Variants in SLC41A2 observed in about 807,000 individuals in gnomAD.
The protein encoded by SLC41A2 is solute carrier family 41 member 2.
SLC41A2 carries 32 observed loss-of-function variants against 58.3 expected under a neutral mutation model. The ratio of observed to expected loss-of-function variants is 0.55; its 90% confidence interval spans 0.41 to 0.74. The LOEUF (loss-of-function observed/expected upper bound fraction) is 0.74, where lower values mean the gene tolerates loss of function less well. Among genes scored for constraint, SLC41A2 ranks in the 30% least tolerant of loss-of-function variants. The probability of loss-of-function intolerance (pLI) is 0.00; values close to 1 mark genes in which losing one functional copy is unlikely to be tolerated. For missense variants in SLC41A2, 514 were observed against 680.6 expected (o/e 0.76, Z 2.72); for synonymous variants, 190 against 235.0 (o/e 0.81, Z 1.75).
At chr12:104,866,841 A>T (rs1304770965) in intron 6 of SLC41A2, among the ~76,000 whole-genome samples, 2 of 152,162 alleles carry the variant, frequency 1.3e-5, no homozygotes, top group Non-Finnish European at 2.9e-5. Flanking sequence ...CATAATAACA[A>T]TAACAACAAG....
intron 1 of SLC41A2, among the ~76,000 whole-genome samples, chr12:104,956,937 C>A (rs2048191117): frequency 6.6e-6 from 1 of 152,142 alleles, no homozygotes; most frequent in Non-Finnish European, 1.5e-5. Flanking sequence ...GTGAAGAAAT[C>A]GGAACCCTCA....
intron 8 of SLC41A2, among the ~76,000 whole-genome samples, chr12:104,853,914 T>TTATTATTATTTA (rs2042910944): frequency 6.8e-5 from 2 of 29,246 alleles, no homozygotes; most frequent in Non-Finnish European, 1.8e-4. Flanking sequence ...CTGGCTGATT[T>TTATTATTATTTA]TTTTTTTTTT....
chr12:104,832,827 T>C (rs2042085050), intron 10 of SLC41A2, among the ~76,000 whole-genome samples: 1 of 152,208 alleles, frequency 6.6e-6, no homozygotes, highest in Non-Finnish European at 1.5e-5. Flanking sequence ...TCTTATGTCT[T>C]GGTACTGAAG....
chr12:104,805,734 T>C (rs1439762850), intron 10 of SLC41A2, among the ~76,000 whole-genome samples: 1 of 152,110 alleles, frequency 6.6e-6, no homozygotes, highest in East Asian at 1.9e-4. Flanking sequence ...CTGCTGCAGG[T>C]ATATCAAATA....
chr12:104,952,026 C>G (rs903094374), intron 1 of SLC41A2, among the ~76,000 whole-genome samples: 2 of 152,022 alleles, frequency 1.3e-5, no homozygotes, highest in Non-Finnish European at 2.9e-5. Context: ...TTTATTATCT[C>G]TACTACTGTT....
At chr12:104,889,389 T>C (rs946140803) in intron 4 of SLC41A2, among the ~76,000 whole-genome samples, 1 of 152,186 alleles carries the variant, frequency 6.6e-6, no homozygotes, top group African/African-American at 2.4e-5. Flanking sequence ...GTGACAAGTA[T>C]GGAACGGAGT....
In SLC41A2 at chr12:104,866,523, T is replaced by C; in HGVS notation, c.1084A>G (p.Ile362Val). The C allele has an allele frequency of 1.2e-6, 2 of 1,604,998 alleles. No homozygotes were observed. Among genetic ancestry groups the C allele is most frequent in the Middle Eastern group, 1.7e-4 (1 of 6,026 alleles). ...VGVFFLALTP[I>V]WIIIAAKHPA... ...TGTTTGGCAGCTATTATAATCCAAA[T>C]AGGGGTTAGAGCCAAGAAAAATACA... Residue 362 changes from isoleucine to valine, a missense_variant, in exon 7 of 11, where the codon ATT becomes GTT. Physicochemically the swap from Ile to Val is conservative, Grantham distance 29. Around this residue, in one of 3 missense-constraint regions of SLC41A2, gnomAD observed 336 missense variants for 430.0 expected, o/e 0.78. Coordinates refer to ENST00000258538, the MANE Select transcript of SLC41A2 (RefSeq NM_001352171.3).
At chr12:104,837,285 C>A (rs1415521935) in intron 10 of SLC41A2, among the ~76,000 whole-genome samples, 7 of 152,102 alleles carry the variant, frequency 4.6e-5, no homozygotes, top group African/African-American at 7.2e-5. Flanking sequence ...TTGGGGCACC[C>A]GTACACATGA....
chr12:104,921,078 T>C (rs1293045884), intron 2 of SLC41A2, among the ~76,000 whole-genome samples: 1 of 151,722 alleles, frequency 6.6e-6, no homozygotes, highest in Non-Finnish European at 1.5e-5. Context: ...AAAGAAACCC[T>C]GTCTCTTAAA....
chr12:104,887,277 A>G (rs2044717346), intron 5 of SLC41A2, among the ~76,000 whole-genome samples: 1 of 151,948 alleles, frequency 6.6e-6, no homozygotes, highest in Non-Finnish European at 1.5e-5. Flanking sequence ...ATCTCACAGC[A>G]CTTTTAGAGT....
chr12:104,909,271 T>C (rs1187704814), intron 3 of SLC41A2, among the ~76,000 whole-genome samples: 1 of 152,228 alleles, frequency 6.6e-6, no homozygotes, highest in Non-Finnish European at 1.5e-5. Context: ...TTAGATTTTC[T>C]TTTTTATATT....
At chr12:104,846,739 A>G (rs2042613089) in intron 8 of SLC41A2, among the ~76,000 whole-genome samples, 2 of 152,170 alleles carry the variant, frequency 1.3e-5, no homozygotes, top group South Asian at 2.1e-4. Context: ...TCCACGCTTC[A>G]CACTTAGCAC....
chr12:104,845,058 A>T (rs1358957203), intron 9 of SLC41A2, among the ~76,000 whole-genome samples: 1 of 152,032 alleles, frequency 6.6e-6, no homozygotes, highest in Non-Finnish European at 1.5e-5. Flanking sequence ...CCAAGGTGGG[A>T]GGACTGCTTG....
chr12:104,915,107 G>A (rs889830654), intron 2 of SLC41A2, among the ~76,000 whole-genome samples: 1 of 152,140 alleles, frequency 6.6e-6, no homozygotes, highest in Non-Finnish European at 1.5e-5. Flanking sequence ...CAAACATAAT[G>A]TCAGATTACT....
Position 104,892,295 on chromosome 12 carries a change from CAA to C in SLC41A2, c.735+2977_735+2978del, listed in dbSNP as rs1392518962. ...TGGGCAACAGAACAAGACCTCATCT[CAA>C]AAAAAAAATAAAATAAAATAAAATA... is the stretch of plus-strand genomic sequence containing the variant. On this transcript the variant is annotated intron_variant, in intron 4 of 10. Transcript: ENST00000258538. 4.7e-5 allele frequency among the ~76,000 whole-genome samples: 5 copies of C among 106,170 alleles called. 1 individual carries two copies. The highest frequency in any genetic ancestry group is 2.5e-4 in the African/African-American group (5 of 20,066). 69.7% of individuals were successfully genotyped at this position (106,170 alleles called of 152,430 possible).
chr12:104,929,408 G>A (rs940122376), intron 1 of SLC41A2, among the ~76,000 whole-genome samples: 10 of 152,182 alleles, frequency 6.6e-5, no homozygotes, highest in Admixed American at 1.3e-4. Flanking sequence ...TTGCAAACCA[G>A]CCAGAAGAAA....
intron 7 of SLC41A2, among the ~76,000 whole-genome samples, chr12:104,865,651 T>A (rs1306573081): frequency 6.6e-6 from 1 of 152,176 alleles, no homozygotes; most frequent in Non-Finnish European, 1.5e-5. Context: ...TCCTCTGTCT[T>A]TGTGGTTTTA....
intron 6 of SLC41A2, among the ~76,000 whole-genome samples, chr12:104,882,357 A>T (rs1244520408): frequency 6.6e-6 from 1 of 152,186 alleles, no homozygotes; most frequent in Non-Finnish European, 1.5e-5. Flanking sequence ...TGATCCTGTC[A>T]TCATGATGTT....
chr12:104,913,272 T>A (rs1359668986), intron 2 of SLC41A2, among the ~76,000 whole-genome samples: 1 of 152,058 alleles, frequency 6.6e-6, no homozygotes, highest in African/African-American at 2.4e-5. Context: ...GAAAACTGAG[T>A]TCTCGGCCAG....
Sources: gnomAD v4.1 joint callset for allele counts (sites outside exome capture counted in the v4.1 genomes callset) on GRCh38, gnomAD v4.1.1 for gene constraint, gnomAD v4.1.1 regional missense constraint, MANE v1.5 for transcripts, NCBI Gene and HGNC (gene_info 2026-07-23, HGNC 2026-07-21) for gene names.